RDM1: variants seen among roughly 807,000 people sequenced by gnomAD.
The protein encoded by RDM1 is RAD52 motif-containing protein 1.
In RDM1, 28 loss-of-function variants were observed where a neutral mutation model predicts 27.7. The observed-to-expected ratio is 1.01, with a 90% CI of 0.75 to 1.39. RDM1 has a LOEUF of 1.39. RDM1 is among the 40% of genes most tolerant of loss of function. RDM1 has a pLI of 0.00. For synonymous variants in RDM1, 124 were observed against 127.5 expected (o/e 0.97, Z 0.19); for missense variants, 277 against 337.3 (o/e 0.82, Z 1.40).
chr17:35,927,163 G>A (rs1024948340), intron 2 of RDM1, among the ~76,000 whole-genome samples: 2 of 150,812 alleles, frequency 1.3e-5, no homozygotes, highest in African/African-American at 2.4e-5. Context: ...CCTCTTGGCC[G>A]GGCACGGTGG....
intron 6 of RDM1, 141 bp downstream of exon 6, chr17:35,920,046 C>G: frequency 1.9e-6 from 1 of 513,834 alleles, no homozygotes; most frequent in African/African-American, 2.0e-5. Context: ...AGGAAAAGCC[C>G]CAGAAATACT....
chr17:35,918,933 A>G (rs1377303611), intron 6 of RDM1, among the ~76,000 whole-genome samples: 1 of 152,198 alleles, frequency 6.6e-6, no homozygotes, highest in African/African-American at 2.4e-5. Context: ...TAGCATAGGT[A>G]TATGGTGCAG....
At chr17:35,925,210 C>A (rs2089098277) in intron 3 of RDM1, among the ~76,000 whole-genome samples, 1 of 152,136 alleles carries the variant, frequency 6.6e-6, no homozygotes, top group South Asian at 2.1e-4. Context: ...GTCATTCAAG[C>A]TAACAGTTGA....
intron 6 of RDM1, among the ~76,000 whole-genome samples, chr17:35,918,739 G>A (rs2088831502): frequency 6.6e-6 from 1 of 152,182 alleles, no homozygotes; most frequent in Admixed American, 6.5e-5. Flanking sequence ...TCTACCCTGT[G>A]TGCACACATG....
Position 35,925,639 on chromosome 17 carries a change from T to C in RDM1, c.277-2A>G. 6 of 1,612,372 alleles carry C rather than the reference T, an allele frequency of 3.7e-6. No homozygotes were observed. Among genetic ancestry groups the C allele is most frequent in the Non-Finnish European group, 5.1e-6 (6 of 1,178,786 alleles). ...CTTATGTCTGGTGCCAAGACGAACC[T>C]AAAATCATAGGAGATAGACCCATAA... On this transcript the variant is annotated splice_acceptor_variant, in intron 2 of 6. Coordinates refer to ENST00000620284, the MANE Select transcript of RDM1 (RefSeq NM_145654.4). LOFTEE classifies it high-confidence loss of function.
intron 4 of RDM1, among the ~76,000 whole-genome samples, chr17:35,923,057 G>A (rs1339889069): frequency 1.3e-5 from 2 of 152,238 alleles, no homozygotes; most frequent in Non-Finnish European, 2.9e-5. Context: ...GCCCATGCCT[G>A]TAATCCCAGC....
intron 2 of RDM1, among the ~76,000 whole-genome samples, chr17:35,928,930 C>CCTCCACCTCCTGGGTT: frequency 6.6e-6 from 1 of 151,842 alleles, no homozygotes; most frequent in African/African-American, 2.4e-5. Context: ...CAAAAATTAG[C>CCTCCACCTCCTGGGTT]CAGGTGTGGT....
Position 35,920,228 on chromosome 17 carries a change from C to G in RDM1, c.712G>C (p.Val238Leu). Reference protein sequence around the residue: ...AVEYRPSEDIVGVRCEEELHG... With the variant: ...AVEYRPSEDILGVRCEEELHG... ...AGTTCTTCTTCGCATCTGACACCTA[C>G]GATGTCTTCACTGGGTCTGTACTCC... The change falls in exon 6 of 7, where the codon GTA becomes CTA. Residue 238 changes from valine (V) to leucine (L), a missense_variant. Transcript: ENST00000620284. The G allele has an allele frequency of 6.2e-7, 1 of 1,604,660 alleles. No homozygotes were observed. Among genetic ancestry groups the G allele is most frequent in the South Asian group, 1.1e-5 (1 of 90,118 alleles).
chr17:35,920,456 C>CTTTTTT (rs60990791), intron 5 of RDM1, among the ~76,000 whole-genome samples, 184 bp from the exon 6 acceptor site: 32 of 117,998 alleles, frequency 2.7e-4, no homozygotes, highest in East Asian at 2.3e-3. Flanking sequence ...TTCTTTCTTT[C>CTTTTTT]TTTTTTTTTT....
intron 2 of RDM1, among the ~76,000 whole-genome samples, chr17:35,929,294 T>C (rs1247975930): frequency 6.6e-6 from 1 of 152,192 alleles, no homozygotes; most frequent in Non-Finnish European, 1.5e-5. Flanking sequence ...AGGGTTTCAC[T>C]CTGTGGCCCA....
intron 6 of RDM1, among the ~76,000 whole-genome samples, chr17:35,919,887 A>C (rs2088877334): frequency 6.6e-6 from 1 of 152,166 alleles, no homozygotes; most frequent in African/African-American, 2.4e-5. Flanking sequence ...AAGTTCTAAA[A>C]AGGCCTGTGT....
In RDM1 at chr17:35,929,620, A is replaced by T. The variant is rs1024413800; in HGVS notation, c.276+456T>A. On this transcript the variant is annotated intron_variant, in intron 2 of 6. Transcript: ENST00000620284. Reference sequence around the variant, plus strand: ...CCATGCCCGGCTAGTTTTTGTATTTATAGTACAGATGGAGTTTTGCTATGT... The same window carrying T: ...CCATGCCCGGCTAGTTTTTGTATTTTTAGTACAGATGGAGTTTTGCTATGT... Among the ~76,000 whole-genome samples, 5 of 152,070 alleles carry T rather than the reference A, an allele frequency of 3.3e-5. 1 individual carries two copies.
At chr17:35,921,073 C>T (rs1466979802) in intron 5 of RDM1, among the ~76,000 whole-genome samples, 2 of 152,160 alleles carry the variant, frequency 1.3e-5, no homozygotes, top group African/African-American at 4.8e-5. Flanking sequence ...AGAGAGAGAA[C>T]ATTTGAACAT....
At chr17:35,921,632 C>T (rs1265665972) in intron 5 of RDM1, among the ~76,000 whole-genome samples, 1 of 152,182 alleles carries the variant, frequency 6.6e-6, no homozygotes, top group African/African-American at 2.4e-5. Flanking sequence ...GAAATGAAAG[C>T]TGAAACTGAA....
At chr17:35,925,303 A>G (rs1413378119) in intron 3 of RDM1, among the ~76,000 whole-genome samples, 1 of 152,206 alleles carries the variant, frequency 6.6e-6, no homozygotes, top group African/African-American at 2.4e-5. Context: ...TATGCCACAA[A>G]AACAGTGGAG....
At position 35,918,171 on chromosome 17, in the gene RDM1, C is replaced by A. The variant is rs2088810697; in HGVS notation, c.*171G>T. 2 of 616,226 alleles carry A rather than the reference C, an allele frequency of 3.2e-6. No homozygotes were observed. Among genetic ancestry groups the A allele is most frequent in the Admixed American group, 5.4e-5 (2 of 36,800 alleles). The allele number at this position is 616,226 out of a possible 1,614,324, so 38.2% of individuals were successfully genotyped here. On this transcript the variant is annotated 3_prime_UTR_variant, in exon 7 of 7. Coordinates refer to ENST00000620284, the MANE Select transcript of RDM1 (RefSeq NM_145654.4). The stretch of plus-strand genomic sequence containing the variant: ...CCACAATCCTACCCAAGCCTCCCTT[C>A]CCACTCCACCAGAACACCCCTTCCC...
rs371540263 is a variant in RDM1 at position 35,920,288 on chromosome 17, C to G, written c.668-16G>C. Reference sequence around the variant, plus strand: ...TTACCACTTTCTGAAATAAAGTTAGCGAGGATCAATTCAGAATCTTTTTCA... The same window carrying G: ...TTACCACTTTCTGAAATAAAGTTAGGGAGGATCAATTCAGAATCTTTTTCA... On this transcript the variant is annotated splice_polypyrimidine_tract_variant and intron_variant, in intron 5 of 6. Transcript: ENST00000620284. 4.4e-6 allele frequency: 6 copies of G among 1,368,024 alleles called. No individual in the cohort carries two copies. Among genetic ancestry groups the G allele is most frequent in the South Asian group, 1.2e-5 (1 of 81,842 alleles). 84.7% of individuals were successfully genotyped at this position (1,368,024 alleles called of 1,614,324 possible). A position where few individuals can be genotyped will look rare whatever the true frequency, so the allele number is the denominator to read the frequency against.
intron 5 of RDM1, 43 bp from the exon 6 acceptor site, chr17:35,920,315 T>C (rs1255082318): frequency 2.9e-6 from 3 of 1,024,824 alleles, no homozygotes; most frequent in Admixed American, 4.1e-5. Flanking sequence ...TCTTTTTCAT[T>C]CTAAAACTTC....
chr17:35,924,216 A>G (rs2089052536), intron 4 of RDM1, among the ~76,000 whole-genome samples: 1 of 152,126 alleles, frequency 6.6e-6, no homozygotes, highest in Non-Finnish European at 1.5e-5. Flanking sequence ...GCAAGATCCT[A>G]TCTCTAAAAA....
Sources: allele counts gnomAD v4.1 joint callset (sites outside exome capture counted in the v4.1 genomes callset), GRCh38; gene constraint gnomAD v4.1.1; transcripts MANE v1.5; gene names NCBI Gene and HGNC (gene_info 2026-07-23, HGNC 2026-07-21).